EIF5: variants seen among roughly 807,000 people sequenced by gnomAD.
The protein encoded by EIF5 is eukaryotic translation initiation factor 5.
Under a neutral mutation model 48.3 loss-of-function variants are expected in EIF5, and 10 were observed. That is an observed-to-expected ratio of 0.21 (90% CI 0.13 to 0.35). EIF5 has a LOEUF of 0.35. Ranked by LOEUF, EIF5 falls within the 10% of genes least tolerant of loss-of-function variation. The pLI is 1.00. For synonymous variants in EIF5, 237 were observed against 173.1 expected (o/e 1.37, Z -2.90); for missense variants, 397 against 533.2 (o/e 0.74, Z 2.51).
chr14:103,337,351 TC>T, intron 6 of EIF5, 124 bp downstream of exon 6: 3 of 809,050 alleles, frequency 3.7e-6, no homozygotes, highest in Admixed American at 6.6e-5. Flanking sequence ...ATGCTTGTAT[TC>T]CCCGCATTTT....
chr14:103,337,437 A>G (rs2089300453), intron 6 of EIF5: 3 of 529,858 alleles, frequency 5.7e-6, no homozygotes, highest in Admixed American at 3.7e-5. Flanking sequence ...AAACCCGTCT[A>G]CTAAAAACAC....
In EIF5 at chr14:103,339,662, C is replaced by T; in HGVS notation, c.930C>T (p.Ala310=). ...AGTTTTGTCACAACAACAAAAAAGC[C>T]CAACGGTACCTTCTTCATGGTTTGG... ...FLRFCHNNKK[A]QRYLLHGLEC... Residue 310 remains alanine, a synonymous_variant, in exon 10 of 12, where the codon GCC becomes GCT. Transcript: ENST00000216554. The T allele has an allele frequency of 2.5e-6, 4 of 1,614,104 alleles. No homozygotes were observed. Among genetic ancestry groups the T allele is most frequent in the Non-Finnish European group, 3.4e-6 (4 of 1,180,028 alleles).
At chr14:103,338,705 T>C in intron 7 of EIF5, 30 bp from the exon 8 acceptor site, 1 of 1,603,006 alleles carries the variant, frequency 6.2e-7, no homozygotes, top group East Asian at 2.2e-5. Context: ...TTTAAGGCCT[T>C]TGATCAAGTA....
At chr14:103,338,986 T>A in intron 8 of EIF5, 93 bp downstream of exon 8, 1 of 1,511,054 alleles carries the variant, frequency 6.6e-7, no homozygotes, top group Non-Finnish European at 8.9e-7. Context: ...TTAGGATTAC[T>A]CTAATGCACG....
rs373433266 is a variant in EIF5, at chr14:103,341,755, C to G, written c.*703C>G. 1 of 152,456 alleles carries G rather than the reference C, an allele frequency of 6.6e-6. No individual in the cohort carries two copies. The highest frequency in any genetic ancestry group is 1.5e-5 in the Non-Finnish European group (1 of 68,054). 9.4% of individuals were successfully genotyped at this position (152,456 alleles called of 1,614,324 possible). On this transcript the variant is annotated 3_prime_UTR_variant, in exon 12 of 12. Transcript: ENST00000216554. ...ACTTGCCCCAAATTGTCTTTGAAGT[C>G]GTGTGCATTGCACGTTGGATGAGCC...
intron 4 of EIF5, 85 bp from the exon 5 acceptor site, chr14:103,336,592 A>G: frequency 7.0e-7 from 1 of 1,433,848 alleles, no homozygotes; most frequent in South Asian, 1.5e-5. Context: ...AAAAAAAAAA[A>G]AAAAGTGGTG....
In EIF5 at chr14:103,335,900, T is replaced by C; in HGVS notation, c.40T>C (p.Tyr14His). Reference protein sequence around the residue: ...NVNRSVSDQFYRYKMPRLIAK... With the variant: ...NVNRSVSDQFHRYKMPRLIAK... ...CAACCGCAGCGTGTCAGACCAGTTCTATCGCTACAAGATGCCCCGTCTGAT... is the reference window on the plus strand; with the variant it reads ...CAACCGCAGCGTGTCAGACCAGTTCCATCGCTACAAGATGCCCCGTCTGAT... The change falls in exon 3 of 12, where the codon TAT becomes CAT. Residue 14 changes from tyrosine (Y) to histidine (H), a missense_variant. Transcript: ENST00000216554. 3 of 1,614,242 alleles carry C rather than the reference T, an allele frequency of 1.9e-6. No individual in the cohort carries two copies. The highest frequency in any genetic ancestry group is 2.5e-6 in the Non-Finnish European group (3 of 1,180,032).
chr14:103,335,968 T>A, intron 3 of EIF5, 36 bp downstream of exon 3: 1 of 1,614,020 alleles, frequency 6.2e-7, no homozygotes, highest in Non-Finnish European at 8.5e-7. Flanking sequence ...TGATAGCTCT[T>A]TTTGTAGAAT....
intron 6 of EIF5, 77 bp from the exon 7 acceptor site, chr14:103,338,250 G>A: frequency 6.4e-7 from 1 of 1,551,726 alleles, no homozygotes; most frequent in Non-Finnish European, 8.7e-7. Context: ...ATAAGGGCAG[G>A]GTTTTAAACG....
rs775804971 is a variant in EIF5 at position 103,342,799 on chromosome 14, T to A, written c.*1747T>A. The stretch of plus-strand genomic sequence containing the variant: ...GAGGATTTTTTTTTCTTCAAACTTG[T>A]ATGTTGCCTAGGTTTCAAATTCTTT... On this transcript the variant is annotated 3_prime_UTR_variant, in exon 12 of 12. Transcript: ENST00000216554. 8 of 152,628 alleles carry A rather than the reference T, an allele frequency of 5.2e-5. No homozygotes were observed. Among genetic ancestry groups the A allele is most frequent in the Non-Finnish European group, 1.2e-4 (8 of 68,034 alleles). The allele number at this position is 152,628 out of a possible 1,614,324, so 9.5% of individuals were successfully genotyped here.
chr14:103,340,858 T>C (rs2089345216), intron 11 of EIF5, 105 bp from the exon 12 acceptor site: 23 of 1,117,446 alleles, frequency 2.1e-5, no homozygotes, highest in Non-Finnish European at 3.1e-5. Context: ...GAAGAAGAAA[T>C]AGCTGCATCT....
chr14:103,336,972 C>G, intron 5 of EIF5, 123 bp downstream of exon 5: 4 of 1,391,142 alleles, frequency 2.9e-6, no homozygotes, highest in Non-Finnish European at 3.9e-6. Context: ...CTCCAGTTTT[C>G]GAGATATTTC....
intron 10 of EIF5, 48 bp from the exon 11 acceptor site, chr14:103,340,351 CAGTAAGGGGGATTGTATAAATAATCAAA>C (rs1454795998): frequency 6.6e-7 from 1 of 1,503,866 alleles, no homozygotes; most frequent in Admixed American, 1.8e-5. Context: ...CCCCTCAGCT[CAGTAAGGGGGATTGTATAAATAATCAAA>C]AGTTGTTAAA....
intron 2 of EIF5, 188 bp downstream of exon 2, chr14:103,334,785 G>C (rs1323187433): frequency 3.4e-5 from 5 of 148,478 alleles, no homozygotes; most frequent in Non-Finnish European, 7.6e-5. Context: ...TGGCGGGAGC[G>C]CGTCGCGCGT....
In EIF5 at chr14:103,342,247, A is replaced by G. The variant is rs546235278; in HGVS notation, c.*1195A>G. On this transcript the variant is annotated 3_prime_UTR_variant, in exon 12 of 12. Coordinates refer to ENST00000216554, the MANE Select transcript of EIF5 (RefSeq NM_001969.5). ...AGACTTGGGATATTTTTTACTTCAC[A>G]TTGAATATAGCCAGGCACCCAAGAA... 3 of 152,450 alleles carry G rather than the reference A, an allele frequency of 2.0e-5. No homozygotes were observed. The highest frequency in any genetic ancestry group is 7.2e-5 in the African/African-American group (3 of 41,484). 9.4% of individuals were successfully genotyped at this position (152,450 alleles called of 1,614,324 possible).
intron 6 of EIF5, chr14:103,337,980 A>C (rs1199804846): frequency 1.8e-6 from 1 of 543,472 alleles, no homozygotes; most frequent in African/African-American, 1.9e-5. Flanking sequence ...ACAGTGTTCC[A>C]CCTGTTGGCT....
chr14:103,337,356 G>A (rs929994347), intron 6 of EIF5, 129 bp downstream of exon 6: 26 of 768,306 alleles, frequency 3.4e-5, no homozygotes, highest in Non-Finnish European at 5.1e-5. Context: ...TGTATTCCCC[G>A]CATTTTGGGA....
rs1019749787 is a variant in EIF5 at position 103,344,467 on chromosome 14, A to G, written c.*3415A>G. On this transcript the variant is annotated 3_prime_UTR_variant, in exon 12 of 12. Coordinates refer to ENST00000216554, the MANE Select transcript of EIF5 (RefSeq NM_001969.5). ...TTATGCAGTCAATTATTTCTTTTTA[A>G]GAGGAGGAGGATTCACTTGGGTGTT... The G allele has an allele frequency of 6.6e-6, 1 of 152,192 alleles. No individual in the cohort carries two copies. The highest frequency in any genetic ancestry group is 2.4e-5 in the African/African-American group (1 of 41,442). 9.4% of individuals were successfully genotyped at this position (152,192 alleles called of 1,614,324 possible).
chr14:103,342,833 G>T lies in EIF5; in HGVS notation c.*1781G>T, dbSNP rs975537810. 6 of 152,724 alleles carry T rather than the reference G, an allele frequency of 3.9e-5. 1 individual carries two copies. Among genetic ancestry groups the T allele is most frequent in the Admixed American group, 3.9e-4 (6 of 15,296 alleles). The allele number at this position is 152,724 out of a possible 1,614,324, so 9.5% of individuals were successfully genotyped here. ...TAGGTTTCAAATTCTTTGCCGCAAG[G>T]CTGATCTGCTTTCATTAACTGGAAT... On this transcript the variant is annotated 3_prime_UTR_variant, in exon 12 of 12. Transcript: ENST00000216554.
Sources: allele counts gnomAD v4.1 joint callset, GRCh38; gene constraint gnomAD v4.1.1; transcripts MANE v1.5; gene names NCBI Gene and HGNC (gene_info 2026-07-23, HGNC 2026-07-21).